The following NXPE2 variants were observed in gnomAD, a reference collection of about 807,000 sequenced individuals.
NXPE2 encodes NXPE family member 2.
A neutral mutation model predicts 34.4 loss-of-function variants in NXPE2; 34 were observed. The ratio of observed to expected loss-of-function variants is 0.99; its 90% CI spans 0.75 to 1.31. The LOEUF is 1.31. Ranked by LOEUF, NXPE2 falls within the 40% of genes most tolerant of loss-of-function variation. NXPE2 has a pLI of 0.00. For missense variants in NXPE2, 649 were observed against 672.5 expected (o/e 0.97, Z 0.39); for synonymous variants, 235 against 231.3 (o/e 1.02, Z -0.15).
chr11:114,465,022 A>G, the NXPE2 span, among the ~76,000 whole-genome samples: 1 of 152,320 alleles, frequency 6.6e-6, no homozygotes, highest in South Asian at 2.1e-4. Flanking sequence ...CACATTGGCA[A>G]ATATAAAGTG....
chr11:114,751,019 T>A, the NXPE2 span, among the ~76,000 whole-genome samples: 2 of 152,194 alleles, frequency 1.3e-5, no homozygotes, highest in African/African-American at 4.8e-5. Flanking sequence ...CTGTTTTGCA[T>A]AGTCACTCAG....
chr11:114,760,355 C>T, the NXPE2 span, among the ~76,000 whole-genome samples: 1 of 152,156 alleles, frequency 6.6e-6, no homozygotes, highest in Admixed American at 6.5e-5. Flanking sequence ...CCTAGACTTC[C>T]CAGCTTCCAG....
intron 3 of NXPE2, among the ~76,000 whole-genome samples, chr11:114,701,329 G>T (rs1049050300): frequency 1.3e-5 from 2 of 152,094 alleles, no homozygotes; most frequent in Non-Finnish European, 2.9e-5. Flanking sequence ...ATTGAAGCCT[G>T]GGTTGAAGGT....
chr11:114,512,875 G>A, the NXPE2 span: 1 of 243,532 alleles, frequency 4.1e-6, no homozygotes, highest in Non-Finnish European at 8.2e-6. Flanking sequence ...GCACAATTCA[G>A]CACTTGAGTT....
the NXPE2 span, among the ~76,000 whole-genome samples, chr11:114,786,798 G>A: frequency 1.4e-5 from 2 of 147,304 alleles, no homozygotes; most frequent in Non-Finnish European, 3.0e-5. Flanking sequence ...GACAGCCACA[G>A]GTGATCTGTG....
chr11:114,773,036 G>A, the NXPE2 span, among the ~76,000 whole-genome samples: 1 of 152,080 alleles, frequency 6.6e-6, no homozygotes, highest in Non-Finnish European at 1.5e-5. Flanking sequence ...GGATTTGAAG[G>A]CACTGGGGTA....
chr11:114,606,807 G>A, the NXPE2 span, among the ~76,000 whole-genome samples: 4 of 152,048 alleles, frequency 2.6e-5, no homozygotes, highest in East Asian at 5.8e-4. Context: ...TGCTTGTAGG[G>A]TAACCACTGT....
the NXPE2 span, chr11:114,582,293 A>G: frequency 6.4e-7 from 1 of 1,568,002 alleles, no homozygotes. Context: ...TTTACCTTTC[A>G]AAGAGGCTCT....
At chr11:114,577,044 GTTATATATATATACATATATATATA>G in the NXPE2 span, among the ~76,000 whole-genome samples, 1 of 25,740 alleles carries the variant, frequency 3.9e-5, no homozygotes, top group African/African-American at 1.9e-4. Context: ...TATATATAAA[GTTATATATATATACATATATATATA>G]TAAAGTTATA....
At chr11:114,522,523 A>C in the NXPE2 span, 1 of 1,529,806 alleles carries the variant, frequency 6.5e-7, no homozygotes, top group Non-Finnish European at 8.9e-7. Flanking sequence ...AAACAAATAG[A>C]TGTTTTAAAT....
chr11:114,587,652 C>G, the NXPE2 span, among the ~76,000 whole-genome samples: 7 of 152,174 alleles, frequency 4.6e-5, no homozygotes, highest in Admixed American at 1.3e-4. Flanking sequence ...GGGCTCAGGG[C>G]GCCAAGGAGG....
At chr11:114,531,074 G>A in the NXPE2 span, among the ~76,000 whole-genome samples, 47 of 151,826 alleles carry the variant, frequency 3.1e-4, 1 homozygote, top group African/African-American at 8.4e-4. Context: ...CAAAAGAGAA[G>A]AGAAACAAGG....
At chr11:114,589,933 C>G in the NXPE2 span, among the ~76,000 whole-genome samples, 1 of 152,210 alleles carries the variant, frequency 6.6e-6, no homozygotes, top group Non-Finnish European at 1.5e-5. Flanking sequence ...CTATACCTTG[C>G]TAATCCAAAT....
the NXPE2 span, chr11:114,551,542 T>A: frequency 3.0e-6 from 1 of 337,578 alleles, no homozygotes; most frequent in Non-Finnish European, 4.4e-6. Flanking sequence ...GAAAACTTAA[T>A]TCATCAGCAT....
chr11:114,737,808 C>T, the NXPE2 span, among the ~76,000 whole-genome samples: 7 of 152,044 alleles, frequency 4.6e-5, no homozygotes, highest in African/African-American at 7.3e-5. Context: ...AGAGGCTGGG[C>T]GCAGTGGCTC....
At chr11:114,812,272 G>A in the NXPE2 span, among the ~76,000 whole-genome samples, 1 of 152,186 alleles carries the variant, frequency 6.6e-6, no homozygotes, top group Non-Finnish European at 1.5e-5. Context: ...CAGTAGCTTA[G>A]CCATCTTTGG....
the NXPE2 span, among the ~76,000 whole-genome samples, chr11:114,811,782 TA>T: frequency 6.6e-6 from 1 of 152,222 alleles, no homozygotes; most frequent in Admixed American, 6.5e-5. Context: ...TCACCAGTCG[TA>T]GGGCCAGAGA....
At chr11:114,564,649 A>C in the NXPE2 span, among the ~76,000 whole-genome samples, 2 of 152,004 alleles carry the variant, frequency 1.3e-5, no homozygotes, top group Non-Finnish European at 2.9e-5. Context: ...CCCAGATCCC[A>C]CCTGGGATCT....
chr11:114,626,458 T>A, the NXPE2 span, among the ~76,000 whole-genome samples: 3 of 152,160 alleles, frequency 2.0e-5, no homozygotes, highest in Non-Finnish European at 2.9e-5. Flanking sequence ...GACCTGCAGC[T>A]GACGGTCCTG....
Sources: gnomAD v4.1 joint callset for allele counts (sites outside exome capture counted in the v4.1 genomes callset) on GRCh38, gnomAD v4.1.1 for gene constraint, MANE v1.5 for transcripts, NCBI Gene and HGNC (gene_info 2026-07-23, HGNC 2026-07-21) for gene names.